Variants in SPDYE6 observed in about 807,000 individuals in gnomAD.
SPDYE6 encodes the protein speedy/RINGO cell cycle regulator family member E6.
For synonymous variants in SPDYE6, 2 were observed against 103.0 expected (o/e 0.02, Z 5.94); for missense variants, 8 against 297.9 (o/e 0.03, Z 7.16).
At chr7:102,353,968 A>G (rs1586628340) in intron 2 of SPDYE6, among the ~76,000 whole-genome samples, 1 of 59,424 alleles carries the variant, frequency 1.7e-5, no homozygotes, top group African/African-American at 7.6e-5. Flanking sequence ...CTGCCTCAGT[A>G]CCTCCATTCT....
rs1563582951 is a variant in SPDYE6 at position 102,346,637 on chromosome 7, C to A, written c.*630G>T. Among the ~76,000 whole-genome samples, 1 of 150,950 alleles carries A rather than the reference C, an allele frequency of 6.6e-6. No individual in the cohort carries two copies. Among genetic ancestry groups the A allele is most frequent in the African/African-American group, 2.4e-5 (1 of 41,206 alleles). On this transcript the variant is annotated 3_prime_UTR_variant, in exon 8 of 8. Coordinates refer to ENST00000563237, the MANE Select transcript of SPDYE6 (RefSeq NM_001146210.4). ...CTCTTAAAAATGAAAAGAAAATTAG[C>A]TTTATGTATATATAACAACTATAAC...
At chr7:102,353,637 C>T (rs1554562760) in intron 2 of SPDYE6, among the ~76,000 whole-genome samples, 2 of 124,574 alleles carry the variant, frequency 1.6e-5, no homozygotes, top group East Asian at 2.4e-4. Context: ...CTCTGAGTCC[C>T]TTTTTTTTTT....
rs1409852101 is a variant in SPDYE6, at chr7:102,346,175, G to C, written c.*1092C>G. Among the ~76,000 whole-genome samples the C allele has an allele frequency of 6.7e-6, 1 of 150,078 alleles. No homozygotes were observed. Among genetic ancestry groups the C allele is most frequent in the African/African-American group, 2.4e-5 (1 of 40,988 alleles). On this transcript the variant is annotated 3_prime_UTR_variant, in exon 8 of 8. Coordinates refer to ENST00000563237, the MANE Select transcript of SPDYE6 (RefSeq NM_001146210.4). ...ATAATACCCATCACACAGCTTTGTA[G>C]AAACAGCATCTATTCAAAAATACCA...
rs1245561744 is a variant in SPDYE6, at chr7:102,345,921, A to G, written c.*1346T>C. ...TTACATCTGAATTCTCACATTTCAA[A>G]CATATATGAAATATCAAATAAAAAT... is the stretch of plus-strand genomic sequence containing the variant. On this transcript the variant is annotated 3_prime_UTR_variant, in exon 8 of 8. Coordinates refer to ENST00000563237, the MANE Select transcript of SPDYE6 (RefSeq NM_001146210.4). Among the ~76,000 whole-genome samples the G allele has an allele frequency of 5.9e-5, 9 of 152,200 alleles. No homozygotes were observed. Among genetic ancestry groups the G allele is most frequent in the Admixed American group, 5.2e-4 (8 of 15,280 alleles).
rs1554562034 is a variant in SPDYE6, at chr7:102,346,240, T to TAATATTTAAATAAATAAATATATTTAATA, written c.*998_*1026dup. ...TTTAAAATAATATTTAATGTAAAAA[T>TAATATTTAAATAAATAAATATATTTAATA]AATATTTAAATAAATAAATATATTT... On this transcript the variant is annotated 3_prime_UTR_variant, in exon 8 of 8. Transcript: ENST00000563237. 0.15 allele frequency among the ~76,000 whole-genome samples: 19,589 copies of TAATATTTAAATAAATAAATATATTTAATA among 133,852 alleles called. 1,733 individuals are homozygous for TAATATTTAAATAAATAAATATATTTAATA. Among genetic ancestry groups the TAATATTTAAATAAATAAATATATTTAATA allele is most frequent in the East Asian group, 0.18 (850 of 4,598 alleles). The allele number at this position is 133,852 out of a possible 152,430, so 87.8% of individuals were successfully genotyped here. A position where few individuals can be genotyped will look rare whatever the true frequency, so the allele number is the denominator to read the frequency against.
intron 4 of SPDYE6, among the ~76,000 whole-genome samples, chr7:102,351,591 G>T (rs1794565444): frequency 2.2e-5 from 2 of 90,178 alleles, no homozygotes; most frequent in East Asian, 3.1e-4. Flanking sequence ...AAAAATTTGT[G>T]GGTGCCAAGA....
intron 2 of SPDYE6, among the ~76,000 whole-genome samples, chr7:102,353,655 T>TG (rs1554562782): frequency 0.042 from 6,143 of 144,584 alleles, 62 homozygotes; most frequent in African/African-American, 0.07. Context: ...TTTTTTTTTT[T>TG]TCGTTGTTGT....
intron 2 of SPDYE6, among the ~76,000 whole-genome samples, chr7:102,353,616 G>T (rs1347050068): frequency 0.034 from 3,874 of 112,298 alleles, no homozygotes; most frequent in East Asian, 0.15. Flanking sequence ...ATCCTTCCCT[G>T]GTCCCTGGCT....
rs1384947963 is a variant in SPDYE6, at chr7:102,345,816, AAACACACAGCTCATGTCCTCCTTTAG to A, written c.*1425_*1450del. 6.6e-6 allele frequency among the ~76,000 whole-genome samples: 1 copy of A among 152,184 alleles called. No individual in the cohort carries two copies. Among genetic ancestry groups the A allele is most frequent in the Non-Finnish European group, 1.5e-5 (1 of 68,020 alleles). On this transcript the variant is annotated 3_prime_UTR_variant, in exon 8 of 8. Coordinates refer to ENST00000563237, the MANE Select transcript of SPDYE6 (RefSeq NM_001146210.4). ...GAGACCCACTCTATTGTTCTCTTGAAAACACACAGCTCATGTCCTCCTTTAGAACACACATTCTCTTTAAAGTAATA... is the reference window on the plus strand; with the variant it reads ...GAGACCCACTCTATTGTTCTCTTGAAAACACACATTCTCTTTAAAGTAATA...
chr7:102,353,995 C>T (rs1473698920), intron 2 of SPDYE6, among the ~76,000 whole-genome samples: 2 of 61,996 alleles, frequency 3.2e-5, no homozygotes, highest in Non-Finnish European at 6.4e-5. Context: ...ACACCCTCCT[C>T]ATGTGCTCCT....
intron 2 of SPDYE6, among the ~76,000 whole-genome samples, chr7:102,353,670 G>A (rs1246032384): frequency 3.3e-5 from 5 of 151,776 alleles, no homozygotes; most frequent in Non-Finnish European, 7.4e-5. Context: ...TGTTGTTGTC[G>A]TTGTTGTTGT....
intron 4 of SPDYE6, among the ~76,000 whole-genome samples, 162 bp downstream of exon 4, chr7:102,351,904 C>CAT (rs1794571527): frequency 4.4e-5 from 1 of 22,874 alleles, no homozygotes; most frequent in South Asian, 1.9e-3. Flanking sequence ...CTGTCTCACA[C>CAT]ACACACACAC....
Position 102,346,029 on chromosome 7 carries a change from A to G in SPDYE6, c.*1238T>C, listed in dbSNP as rs1338854881. On this transcript the variant is annotated 3_prime_UTR_variant, in exon 8 of 8. Coordinates refer to ENST00000563237, the MANE Select transcript of SPDYE6 (RefSeq NM_001146210.4). Reference sequence around the variant, plus strand: ...TAACTAAGTATCATAGATAAAATCCATGCTCCCTTCAGCAGCACGTGTAAT... The same window carrying G: ...TAACTAAGTATCATAGATAAAATCCGTGCTCCCTTCAGCAGCACGTGTAAT... Among the ~76,000 whole-genome samples, 48 of 151,842 alleles carry G rather than the reference A, an allele frequency of 3.2e-4. No homozygotes were observed. Among genetic ancestry groups the G allele is most frequent in the African/African-American group, 1.1e-3 (44 of 41,514 alleles).
Position 102,345,868 on chromosome 7 carries a change from T to A in SPDYE6, c.*1399A>T, listed in dbSNP as rs1443440903. Among the ~76,000 whole-genome samples, 1 of 152,178 alleles carries A rather than the reference T, an allele frequency of 6.6e-6. No homozygotes were observed. The highest frequency in any genetic ancestry group is 1.5e-5 in the Non-Finnish European group (1 of 68,036). ...AACACACATTCTCTTTAAAGTAATA[T>A]ACAAACATGCCAAAACAAGGTAAAA... On this transcript the variant is annotated 3_prime_UTR_variant, in exon 8 of 8. Transcript: ENST00000563237.
At chr7:102,352,362 G>A (rs1257526563) in intron 3 of SPDYE6, among the ~76,000 whole-genome samples, 159 of 147,820 alleles carry the variant, frequency 1.1e-3, no homozygotes, top group African/African-American at 3.8e-3. Context: ...AGGATGTAGA[G>A]CTGGGAATCA....
intron 2 of SPDYE6, among the ~76,000 whole-genome samples, chr7:102,353,657 CG>C (rs536688703): frequency 2.1e-5 from 3 of 142,786 alleles, no homozygotes; most frequent in African/African-American, 7.7e-5. Flanking sequence ...TTTTTTTTTT[CG>C]TTGTTGTTGT....
At position 102,346,285 on chromosome 7, in the gene SPDYE6, A is replaced by T. The variant is rs1487128342; in HGVS notation, c.*982T>A. On this transcript the variant is annotated 3_prime_UTR_variant, in exon 8 of 8. Transcript: ENST00000563237. The stretch of plus-strand genomic sequence containing the variant: ...ATATTTAATAAATATTTAAATAAAT[A>T]AAATAATATTTAAATAATTCTATAC... Among the ~76,000 whole-genome samples the T allele has an allele frequency of 3.4e-5, 5 of 147,378 alleles. No individual in the cohort carries two copies. The highest frequency in any genetic ancestry group is 7.5e-5 in the Non-Finnish European group (5 of 66,824).
rs1481370922 is a variant in SPDYE6, at chr7:102,346,081, AG to A, written c.*1185del. 2.6e-5 allele frequency among the ~76,000 whole-genome samples: 4 copies of A among 151,806 alleles called. No homozygotes were observed. The East Asian group carries it at 7.7e-4, about 29-fold the overall frequency. ...ATAGATACAAAGATTGAAAGGTAAAAGATTTAGGATGAAAAGAATCCTCTCT... is the reference window on the plus strand; with the variant it reads ...ATAGATACAAAGATTGAAAGGTAAAAATTTAGGATGAAAAGAATCCTCTCT... On this transcript the variant is annotated 3_prime_UTR_variant, in exon 8 of 8. Transcript: ENST00000563237.
At chr7:102,354,055 C>T (rs1330290662) in intron 2 of SPDYE6, among the ~76,000 whole-genome samples, 1 of 40,432 alleles carries the variant, frequency 2.5e-5, no homozygotes, top group Non-Finnish European at 4.7e-5. Flanking sequence ...TTTGAGACAG[C>T]GTCTCACTCT....
Sources: allele counts gnomAD v4.1 joint callset (sites outside exome capture counted in the v4.1 genomes callset), GRCh38; gene constraint gnomAD v4.1.1; transcripts MANE v1.5; gene names NCBI Gene and HGNC (gene_info 2026-07-23, HGNC 2026-07-21).